PSD2: variants seen among roughly 807,000 people sequenced by gnomAD.
PSD2 encodes PH and SEC7 domain-containing protein 2.
Under a neutral mutation model 69.8 loss-of-function variants are expected in PSD2, and 38 were observed. The observed-to-expected ratio is 0.54, with a 90% confidence interval of 0.42 to 0.71. The LOEUF (loss-of-function observed/expected upper bound fraction) is 0.71, where lower values mean the gene tolerates loss of function less well. PSD2 is among the 30% of genes least tolerant of loss of function. The pLI, the probability that PSD2 is intolerant of heterozygous loss-of-function variation, is 0.00. For missense variants in PSD2, 943 were observed against 1,014.5 expected, an observed-to-expected ratio of 0.93 and a Z score of 0.96; for synonymous variants, 412 against 423.0, an observed-to-expected ratio of 0.97 and a Z score of 0.32.
chr5:139,768,184 A>G, the PSD2 span, among the ~76,000 whole-genome samples: 1 of 152,238 alleles, frequency 6.6e-6, no homozygotes, highest in Non-Finnish European at 1.5e-5. Flanking sequence ...ATCCTACAGC[A>G]GGAAGGAAGG....
intron 3 of PSD2, 22 bp downstream of exon 3, chr5:139,813,780 G>T: frequency 6.4e-7 from 1 of 1,570,988 alleles, no homozygotes; most frequent in South Asian, 1.2e-5. Context: ...CCCAGGCTGG[G>T]AGAACCACCG....
the PSD2 span, chr5:139,745,179 C>T: frequency 6.6e-6 from 1 of 152,292 alleles, no homozygotes; most frequent in East Asian, 1.9e-4. Context: ...CAGGCACAGC[C>T]TCTTGTTCAT....
rs1561605333 is a variant in PSD2, at chr5:139,830,590, C to CTTTG, written c.1270-3109_1270-3108insGTTT. Among the ~76,000 whole-genome samples, 79 of 98,842 alleles carry CTTTG rather than the reference C, an allele frequency of 8.0e-4. 1 individual carries two copies. Among genetic ancestry groups the CTTTG allele is most frequent in the African/African-American group, 3.4e-3 (76 of 22,230 alleles). The allele number at this position is 98,842 out of a possible 152,430, so 64.8% of individuals were successfully genotyped here. A position where few individuals can be genotyped will look rare whatever the true frequency, so the allele number is the denominator to read the frequency against. The stretch of plus-strand genomic sequence containing the variant: ...CCTTTCTTTCTTTCTTTCTTTCTTT[C>CTTTG]TTTTTCTTTCTTTCTTTCTCTTTCT... On this transcript the variant is annotated intron_variant, in intron 7 of 14. Transcript: ENST00000274710.
chr5:139,766,040 C>A, the PSD2 span, among the ~76,000 whole-genome samples: 4 of 152,070 alleles, frequency 2.6e-5, no homozygotes, highest in African/African-American at 9.7e-5. Flanking sequence ...TCTGTGGTGG[C>A]TGGGTAGAGA....
intron 7 of PSD2, among the ~76,000 whole-genome samples, chr5:139,826,826 C>T (rs1044332883): frequency 6.6e-6 from 1 of 152,284 alleles, no homozygotes; most frequent in African/African-American, 2.4e-5. Flanking sequence ...TCATCCCAAG[C>T]CTGGCTTCCC....
chr5:139,837,815 T>G lies in PSD2; in HGVS notation c.1823+33T>G, dbSNP rs1760774648. 1.9e-6 allele frequency: 3 copies of G among 1,586,366 alleles called. No individual in the cohort carries two copies. The highest frequency in any genetic ancestry group is 4.5e-5 in the East Asian group (2 of 44,384). Reference sequence around the variant, plus strand: ...GGAGCTGGAGCCCTTCACTCCCACCTGGGGCCCAGGGCCACAGTGACCCGG... The same window carrying G: ...GGAGCTGGAGCCCTTCACTCCCACCGGGGGCCCAGGGCCACAGTGACCCGG... On this transcript the variant is annotated intron_variant, in intron 12 of 14. Transcript: ENST00000274710. This position sits in a 1 kb window ranked among gnomAD's most constrained non-coding sequence, Gnocchi z 5.0.
Position 139,837,211 on chromosome 5 carries a change from C to G in PSD2, c.1638C>G (p.Leu546=). 1 of 1,613,996 alleles carries G rather than the reference C, an allele frequency of 6.2e-7. No individual in the cohort carries two copies. The highest frequency in any genetic ancestry group is 8.5e-7 in the Non-Finnish European group (1 of 1,179,900). The change falls in exon 11 of 15, where the codon CTC becomes CTG. Residue 546 remains leucine, a synonymous_variant. Transcript: ENST00000274710. The surrounding 1 kb of genome is among the most constrained non-coding windows in gnomAD (Gnocchi z 5.0). ...GCTGGAAGAAATTCTACGCAGTGCT[C>G]AAAGGGACCATCCTGTACCTGCAGA... ...RRGWKKFYAV[L]KGTILYLQKD... is the part of the protein sequence containing the mutation.
the PSD2 span, among the ~76,000 whole-genome samples, chr5:139,767,170 A>G: frequency 6.7e-6 from 1 of 148,790 alleles, no homozygotes; most frequent in East Asian, 2.0e-4. Context: ...TTTTTTTTGT[A>G]TTTTTAGTAG....
intron 2 of PSD2, among the ~76,000 whole-genome samples, chr5:139,810,985 T>G (rs1173713665): frequency 6.6e-6 from 1 of 152,144 alleles, no homozygotes. Context: ...CATTGGTGGC[T>G]CTGACCCTGG....
chr5:139,813,291 G>C lies in PSD2; in HGVS notation c.372-18G>C, dbSNP rs1014001430. 3.9e-6 allele frequency: 6 copies of C among 1,520,286 alleles called. No individual in the cohort carries two copies. Among genetic ancestry groups the C allele is most frequent in the African/African-American group, 2.7e-5 (2 of 72,744 alleles). The allele number at this position is 1,520,286 out of a possible 1,614,324, so 94.2% of individuals were successfully genotyped here. ...GGACAGCTTGGCAGGATGGTGACTGGCTCCTTGCATCCCACAGGTTGGATG... is the reference window on the plus strand; with the variant it reads ...GGACAGCTTGGCAGGATGGTGACTGCCTCCTTGCATCCCACAGGTTGGATG... On this transcript the variant is annotated intron_variant, in intron 2 of 14. Transcript: ENST00000274710.
At position 139,837,605 on chromosome 5, in the gene PSD2, G is replaced by T. The variant is rs370293952; in HGVS notation, c.1666-20G>T. On this transcript the variant is annotated intron_variant, in intron 11 of 14. Transcript: ENST00000274710. The surrounding 1 kb of genome is among the most constrained non-coding windows in gnomAD (Gnocchi z 5.0). Reference sequence around the variant, plus strand: ...AGGTGTGGGTCAGTGACCCTAGCTCGCCCATCCTGCCCCACCCAGGATGAG... The same window carrying T: ...AGGTGTGGGTCAGTGACCCTAGCTCTCCCATCCTGCCCCACCCAGGATGAG... 5 of 1,578,084 alleles carry T rather than the reference G, an allele frequency of 3.2e-6. No homozygotes were observed. The highest frequency in any genetic ancestry group is 4.3e-6 in the Non-Finnish European group (5 of 1,154,258).
intron 1 of PSD2, 80 bp from the exon 2 acceptor site, chr5:139,809,311 C>A (rs2126933881): frequency 3.6e-6 from 4 of 1,121,356 alleles, no homozygotes; most frequent in South Asian, 1.5e-5. Context: ...GGCTGCTCTG[C>A]CACTGGTTCT....
At chr5:139,793,691 C>T (rs1331854510), upstream of PSD2, among the ~76,000 whole-genome samples, 1 of 152,204 alleles carries the variant, frequency 6.6e-6, no homozygotes, top group South Asian at 2.1e-4. Context: ...ACTGTGAACC[C>T]TTTCAAGGGG....
chr5:139,748,891 G>C, the PSD2 span, among the ~76,000 whole-genome samples: 46 of 150,036 alleles, frequency 3.1e-4, no homozygotes, highest in African/African-American at 9.9e-4. Context: ...TGATTTCTAG[G>C]AGCCCTGGGG....
At chr5:139,796,135 C>A (rs1272328482) in intron 1 of PSD2, among the ~76,000 whole-genome samples, 160 bp downstream of exon 1, 2 of 152,158 alleles carry the variant, frequency 1.3e-5, no homozygotes, top group Non-Finnish European at 2.9e-5. Flanking sequence ...CAGATCAATT[C>A]CGCGGCGTCT....
At chr5:139,748,754 C>A in the PSD2 span, among the ~76,000 whole-genome samples, 1 of 152,238 alleles carries the variant, frequency 6.6e-6, no homozygotes, top group African/African-American at 2.4e-5. Flanking sequence ...TCGTCTGTCT[C>A]GGCTCCGCGG....
chr5:139,827,601 C>T (rs564022647), intron 7 of PSD2, among the ~76,000 whole-genome samples: 2 of 152,184 alleles, frequency 1.3e-5, no homozygotes, highest in Non-Finnish European at 2.9e-5. Flanking sequence ...CTATAAAGAA[C>T]TTCCCTGAGA....
At position 139,821,923 on chromosome 5, in the gene PSD2, G is replaced by A. The variant is rs898821376; in HGVS notation, c.1128G>A (p.Gly376=). Residue 376 remains glycine (G), a synonymous_variant, in exon 6 of 15, where the codon GGG becomes GGA. Coordinates refer to ENST00000274710, the MANE Select transcript of PSD2 (RefSeq NM_032289.4). ...RTFLKAFPLM[G]ETQERERVLT... The stretch of plus-strand genomic sequence containing the variant: ...TCTTGAAGGCCTTCCCGCTGATGGG[G>A]GAGACACAAGAGCGTGAGCGGGTCC... 40 of 1,609,534 alleles carry A rather than the reference G, an allele frequency of 2.5e-5. No homozygotes were observed. The highest frequency in any genetic ancestry group is 3.3e-5 in the Non-Finnish European group (39 of 1,177,492).
chr5:139,761,228 C>G, the PSD2 span, among the ~76,000 whole-genome samples: 1 of 152,178 alleles, frequency 6.6e-6, no homozygotes, highest in Non-Finnish European at 1.5e-5. Context: ...GATGTGATGT[C>G]AGCCCATTTT....
Sources: gnomAD v4.1 joint callset for allele counts (sites outside exome capture counted in the v4.1 genomes callset) on GRCh38, gnomAD v4.1.1 for gene constraint, Gnocchi (gnomAD v3.1) non-coding constraint, MANE v1.5 for transcripts, NCBI Gene and HGNC (gene_info 2026-07-23, HGNC 2026-07-21) for gene names.